LNX1: variants seen among roughly 807,000 people sequenced by gnomAD.
LNX1 encodes the protein ligand of numb-protein X 1.
A neutral mutation model predicts 68.4 loss-of-function variants in LNX1; 54 were observed. The ratio of observed to expected loss-of-function variants is 0.79; its 90% confidence interval spans 0.63 to 0.99. The LOEUF (loss-of-function observed/expected upper bound fraction) is 0.99. Among genes scored for constraint, LNX1 ranks in the 50% least tolerant of loss-of-function variants. The probability of loss-of-function intolerance (pLI) is 0.00; values close to 1 mark genes in which losing one functional copy is unlikely to be tolerated. For missense variants in LNX1, 906 were observed against 926.4 expected (o/e 0.98, Z 0.29); for synonymous variants, 336 against 350.0 (o/e 0.96, Z 0.45).
At chr4:53,510,660 A>G (rs1384368590) in intron 2 of LNX1, among the ~76,000 whole-genome samples, 2 of 152,354 alleles carry the variant, frequency 1.3e-5, no homozygotes, top group East Asian at 3.9e-4. Context: ...AGCGGCTCCA[A>G]CGTAACAAAT....
chr4:53,617,660 A>C (rs1022888077), upstream of LNX1, among the ~76,000 whole-genome samples: 1 of 152,198 alleles, frequency 6.6e-6, no homozygotes, highest in African/African-American at 2.4e-5. Flanking sequence ...CACATCATCT[A>C]TGTGTGCACT....
intron 2 of LNX1, among the ~76,000 whole-genome samples, chr4:53,567,606 A>G (rs932161539): frequency 0.012 from 1,824 of 151,996 alleles, 30 homozygotes; most frequent in African/African-American, 0.041. Context: ...AAGAGCAAAC[A>G]CATTCCAAAG....
At chr4:53,479,932 A>G (rs900919139) in intron 7 of LNX1, among the ~76,000 whole-genome samples, 7 of 152,254 alleles carry the variant, frequency 4.6e-5, no homozygotes, top group African/African-American at 1.7e-4. Flanking sequence ...TAGTCGCTCT[A>G]TGACTCTTTC....
In LNX1 at chr4:53,573,678, C is replaced by A; in HGVS notation, c.325G>T (p.Glu109Ter). The change falls in exon 2 of 11, where the codon GAG (glutamate) becomes TAG (stop). Residue 109 changes from glutamate to a stop codon, truncating the protein, a stop_gained. Coordinates refer to ENST00000263925, the MANE Select transcript of LNX1 (RefSeq NM_001126328.3). LOFTEE classifies it high-confidence loss of function. ...CGCTGCAACACCTGGGTGCAGTGCTCCCTGAATGGGCAGGTCACCAGTAGC... is the reference window on the plus strand; with the variant it reads ...CGCTGCAACACCTGGGTGCAGTGCTACCTGAATGGGCAGGTCACCAGTAGC... ...NKLLVTCPFR[E>*]HCTQVLQRCD... 6.2e-7 allele frequency: 1 copy of A among 1,608,590 alleles called. No homozygotes were observed. Among genetic ancestry groups the A allele is most frequent in the Admixed American group, 1.7e-5 (1 of 59,120 alleles).
chr4:53,636,203 T>TTTTTTTG (rs1734468533), intron 1 of LNX1, among the ~76,000 whole-genome samples: 1 of 143,646 alleles, frequency 7.0e-6, no homozygotes, highest in African/African-American at 2.6e-5. Flanking sequence ...TTTTTTTTTT[T>TTTTTTTG]CCTTTTCAGG....
intron 3 of LNX1, 31 bp downstream of exon 3, chr4:53,507,955 C>A (rs897927366): frequency 6.2e-7 from 1 of 1,600,354 alleles, no homozygotes; most frequent in Non-Finnish European, 8.6e-7. Context: ...GCCAAGGAGC[C>A]CATTCCCGGA....
chr4:53,597,189 C>T (rs1481465075), intron 2 of LNX1, among the ~76,000 whole-genome samples: 1 of 152,166 alleles, frequency 6.6e-6, no homozygotes, highest in Non-Finnish European at 1.5e-5. Flanking sequence ...GCTAGCTGCA[C>T]TTGTCACTCT....
intron 2 of LNX1, among the ~76,000 whole-genome samples, chr4:53,531,362 T>C (rs371197835): frequency 6.6e-6 from 1 of 152,182 alleles, no homozygotes; most frequent in African/African-American, 2.4e-5. Flanking sequence ...ATCACTTTAT[T>C]TTCCAGAGCC....
At chr4:53,520,976 A>C (rs1350261431) in intron 2 of LNX1, among the ~76,000 whole-genome samples, 4 of 152,140 alleles carry the variant, frequency 2.6e-5, no homozygotes, top group East Asian at 3.9e-4. Context: ...AAACAAAAAA[A>C]CCCCAAATTA....
Position 53,508,200 on chromosome 4 carries a change from C to T in LNX1, c.408G>A (p.Leu136=), listed in dbSNP as rs766563817. 17 of 1,614,030 alleles carry T rather than the reference C, an allele frequency of 1.1e-5. No homozygotes were observed. The highest frequency in any genetic ancestry group is 1.4e-5 in the Non-Finnish European group (17 of 1,180,026). Residue 136 remains leucine, a synonymous_variant, in exon 3 of 11, where the codon CTG becomes CTA. Transcript: ENST00000263925. ...GTGAGCGCCTCTTCCTATCTTTGGT[C>T]AGGCCGTAGTGGGAGGCACCTTTAC... The part of the protein sequence containing the change: ...TSCKGASHYG[L]TKDRKRRSQD...
chr4:53,495,606 G>A (rs575012407), intron 6 of LNX1, among the ~76,000 whole-genome samples: 22 of 147,118 alleles, frequency 1.5e-4, no homozygotes, highest in Admixed American at 7.0e-4. Flanking sequence ...GCAGTGGCAC[G>A]ATCTCAGCTC....
chr4:53,518,875 C>A (rs1726996979), intron 2 of LNX1, among the ~76,000 whole-genome samples: 1 of 152,134 alleles, frequency 6.6e-6, no homozygotes, highest in African/African-American at 2.4e-5. Context: ...TCTTTATAGA[C>A]CTATAAATGC....
chr4:53,610,551 CA>C (rs1204273938), intron 2 of LNX1, among the ~76,000 whole-genome samples: 12 of 151,402 alleles, frequency 7.9e-5, no homozygotes, highest in African/African-American at 2.7e-4. Context: ...ACTAAAAATA[CA>C]AAAAAATTAG....
intron 2 of LNX1, among the ~76,000 whole-genome samples, chr4:53,527,581 T>C (rs1195483032): frequency 6.6e-6 from 1 of 152,238 alleles, no homozygotes; most frequent in Non-Finnish European, 1.5e-5. Flanking sequence ...ACTGCATTCA[T>C]GCATAGGAAA....
At chr4:53,557,698 G>A (rs943795892) in intron 2 of LNX1, among the ~76,000 whole-genome samples, 2 of 150,362 alleles carry the variant, frequency 1.3e-5, no homozygotes, top group Non-Finnish European at 3.0e-5. Context: ...GGGCTTTTTT[G>A]TTAAGTCACA....
Position 53,591,441 on chromosome 4 carries a change from A to AT in LNX1, c.-141dup, listed in dbSNP as rs527878604. On this transcript the variant is annotated 5_prime_UTR_variant, in exon 1 of 11. It adds an upstream start codon to the 5' untranslated region. Transcript: ENST00000263925. Reference sequence around the variant, plus strand: ...AAGCAGCAGCAGGCAGGCAGCTCTCATTCCTTGTGGGTGAACCGAGCAGCT... The same window carrying AT: ...AAGCAGCAGCAGGCAGGCAGCTCTCATTTCCTTGTGGGTGAACCGAGCAGCT... 9.1e-5 allele frequency: 90 copies of AT among 985,750 alleles called. 1 individual carries two copies. The East Asian group carries it at 7.0e-3, about 77-fold the overall frequency. The allele number at this position is 985,750 out of a possible 1,614,324, so 61.1% of individuals were successfully genotyped here.
chr4:53,469,120 C>T (rs1162774204), intron 9 of LNX1, among the ~76,000 whole-genome samples: 2 of 152,130 alleles, frequency 1.3e-5, no homozygotes, highest in Non-Finnish European at 2.9e-5. Flanking sequence ...TGTAAAAGAA[C>T]AGAAATTATA....
intron 2 of LNX1, among the ~76,000 whole-genome samples, chr4:53,513,648 C>T (rs1201513338): frequency 6.6e-6 from 1 of 152,198 alleles, no homozygotes; most frequent in African/African-American, 2.4e-5. Context: ...CTGGATACCC[C>T]AAATACAATC....
chr4:53,549,191 C>T lies in LNX1; in HGVS notation c.380+24432G>A, dbSNP rs545343347. 7.9e-5 allele frequency among the ~76,000 whole-genome samples: 12 copies of T among 152,216 alleles called. No homozygotes were observed. In the South Asian group the frequency reaches 2.5e-3, roughly 32 times the overall value. On this transcript the variant is annotated intron_variant, in intron 2 of 10. Coordinates refer to ENST00000263925, the MANE Select transcript of LNX1 (RefSeq NM_001126328.3). ...ATAAAAGTAAAAAAAATAAGTTCTCCCCTTAAAGCTTCTGGGCAACAAGGT... is the reference window on the plus strand; with the variant it reads ...ATAAAAGTAAAAAAAATAAGTTCTCTCCTTAAAGCTTCTGGGCAACAAGGT...
Sources: allele counts gnomAD v4.1 joint callset (sites outside exome capture counted in the v4.1 genomes callset), GRCh38; gene constraint gnomAD v4.1.1; transcripts MANE v1.5; gene names NCBI Gene and HGNC (gene_info 2026-07-23, HGNC 2026-07-21).